Variants in ATXN2 observed in about 807,000 individuals in gnomAD.
The protein encoded by ATXN2 is ataxin-2.
In ATXN2, 37 loss-of-function variants were observed where a neutral mutation model predicts 138.6. The ratio of observed to expected loss-of-function variants is 0.27; its 90% confidence interval spans 0.21 to 0.35. ATXN2 has a LOEUF of 0.35. ATXN2 is among the 10% of genes least tolerant of loss of function. The probability of loss-of-function intolerance (pLI) is 1.00; values close to 1 mark genes in which losing one functional copy is unlikely to be tolerated. For missense variants in ATXN2, 1,216 were observed against 1,480.3 expected, an observed-to-expected ratio of 0.82 and a Z score of 2.93; for synonymous variants, 549 against 543.7, an observed-to-expected ratio of 1.01 and a Z score of -0.13.
intron 14 of ATXN2, among the ~76,000 whole-genome samples, chr12:111,500,655 A>G (rs1405219318): frequency 1.3e-5 from 2 of 152,216 alleles, no homozygotes; most frequent in African/African-American, 2.4e-5. Flanking sequence ...CAGCCGGATC[A>G]CAAGGTCAAG....
intron 5 of ATXN2, among the ~76,000 whole-genome samples, chr12:111,542,942 G>A (rs1881601790): frequency 6.6e-6 from 1 of 152,096 alleles, no homozygotes; most frequent in South Asian, 2.1e-4. Context: ...TGATAGGGTA[G>A]AGAATTTCTA....
Position 111,508,651 on chromosome 12 carries a change from TG to T in ATXN2, c.1935+897del, listed in dbSNP as rs1189689311. Among the ~76,000 whole-genome samples the T allele has an allele frequency of 3.9e-5, 6 of 151,990 alleles. No individual in the cohort carries two copies. The East Asian group carries it at 5.8e-4, about 15-fold the overall frequency. ...TGGTCAAGACAGGGTTTCACCATGT[TG>T]ACCAGGCTGGTCTCGAACTCCTGAC... is the stretch of plus-strand genomic sequence containing the variant. On this transcript the variant is annotated intron_variant, in intron 14 of 24. Coordinates refer to ENST00000673436, the MANE Select transcript of ATXN2 (RefSeq NM_001372574.1).
In ATXN2 at chr12:111,492,319, T is replaced by G. The variant is rs11065926; in HGVS notation, c.1936-3539A>C. ...TAGTCTTGGGGTGCCCTCTAATGCA[T>G]GTATGGCTGCAGTGAGCGAAGACTT... On this transcript the variant is annotated intron_variant, in intron 14 of 24. Coordinates refer to ENST00000673436, the MANE Select transcript of ATXN2 (RefSeq NM_001372574.1). 6.2e-3 allele frequency among the ~76,000 whole-genome samples: 940 copies of G among 152,312 alleles called. 11 individuals carry two copies. The highest frequency in any genetic ancestry group is 0.021 in the African/African-American group (887 of 41,576).
At chr12:111,507,349 G>A (rs533919132) in intron 14 of ATXN2, among the ~76,000 whole-genome samples, 85 of 150,060 alleles carry the variant, frequency 5.7e-4, no homozygotes, top group African/African-American at 1.9e-3. Flanking sequence ...GTCTCTGCCT[G>A]GCCGCCCCGT....
At chr12:111,454,464 G>A (rs1874910281) in intron 23 of ATXN2, 1 of 153,974 alleles carries the variant, frequency 6.5e-6, no homozygotes, top group Admixed American at 6.5e-5. Flanking sequence ...AGGAGGAGTT[G>A]GAGTTTTTAA....
At chr12:111,477,452 T>C (rs951000236) in intron 18 of ATXN2, among the ~76,000 whole-genome samples, 4 of 152,116 alleles carry the variant, frequency 2.6e-5, no homozygotes, top group African/African-American at 9.7e-5. Context: ...GCTAGACCTT[T>C]ACATCACACC....
chr12:111,488,558 C>T lies in ATXN2; in HGVS notation c.2158G>A (p.Val720Ile). The change falls in exon 15 of 25, where the codon GTC becomes ATC. Residue 720 changes from valine (V) to isoleucine (I), a missense_variant. Coordinates refer to ENST00000673436, the MANE Select transcript of ATXN2 (RefSeq NM_001372574.1). Reference sequence around the variant, plus strand: ...GAAGTCTGAACCCCTTGGGAAGTGACCTCAGGTCCCCTCTTGTGCTCCGTG... The same window carrying T: ...GAAGTCTGAACCCCTTGGGAAGTGATCTCAGGTCCCCTCTTGTGCTCCGTG... ...SNTEHKRGPE[V>I]TSQGVQTSSP... 6.2e-7 allele frequency: 1 copy of T among 1,614,160 alleles called. No homozygotes were observed. Among genetic ancestry groups the T allele is most frequent in the African/African-American group, 1.3e-5 (1 of 75,044 alleles).
At chr12:111,500,540 G>A (rs1423859547) in intron 14 of ATXN2, among the ~76,000 whole-genome samples, 2 of 152,174 alleles carry the variant, frequency 1.3e-5, no homozygotes, top group African/African-American at 2.4e-5. Flanking sequence ...GAACTCTGCA[G>A]GACCGGAGGC....
intron 1 of ATXN2, among the ~76,000 whole-genome samples, chr12:111,590,703 G>A (rs1055734710): frequency 5.1e-5 from 7 of 137,266 alleles, no homozygotes; most frequent in Admixed American, 2.7e-4. Flanking sequence ...AAAAAAACAG[G>A]CCTGTTAGGA....
At chr12:111,462,899 A>C (rs1284907144) in intron 21 of ATXN2, among the ~76,000 whole-genome samples, 2 of 152,080 alleles carry the variant, frequency 1.3e-5, no homozygotes, top group African/African-American at 4.8e-5. Context: ...CTTTTTAAAG[A>C]GCATCTATTA....
chr12:111,530,923 C>A (rs1880792701), intron 5 of ATXN2, among the ~76,000 whole-genome samples: 1 of 151,342 alleles, frequency 6.6e-6, no homozygotes, highest in Admixed American at 6.6e-5. Context: ...GTCCGGAGTT[C>A]GAGACCAGCC....
At chr12:111,481,455 A>G (rs779384151) in intron 18 of ATXN2, among the ~76,000 whole-genome samples, 2 of 151,788 alleles carry the variant, frequency 1.3e-5, no homozygotes, top group African/African-American at 4.9e-5. Context: ...AAAACAAAAA[A>G]CCACAATGAC....
At chr12:111,525,418 A>G (rs1471292068) in intron 5 of ATXN2, 102 bp from the exon 6 acceptor site, 1 of 1,233,458 alleles carries the variant, frequency 8.1e-7, no homozygotes, top group Admixed American at 2.8e-5. Context: ...AACAATTACG[A>G]AAAATGAATT....
intron 14 of ATXN2, among the ~76,000 whole-genome samples, chr12:111,505,069 A>G (rs976136574): frequency 6.6e-6 from 1 of 152,200 alleles, no homozygotes; most frequent in African/African-American, 2.4e-5. Flanking sequence ...ACAAAAAAAT[A>G]CAAAAGTTAT....
intron 3 of ATXN2, 83 bp from the exon 4 acceptor site, chr12:111,553,060 C>A: frequency 2.3e-6 from 2 of 861,234 alleles, no homozygotes; most frequent in Non-Finnish European, 3.5e-6. Flanking sequence ...ACTTTTTATA[C>A]CTCATCAGGC....
At chr12:111,507,243 C>T (rs1356617956) in intron 14 of ATXN2, among the ~76,000 whole-genome samples, 1 of 151,312 alleles carries the variant, frequency 6.6e-6, no homozygotes, top group African/African-American at 2.4e-5. Context: ...GGCCACCCGT[C>T]GTCTGAGATG....
Position 111,552,548 on chromosome 12 carries a change from G to T in ATXN2, c.421-118C>A. 9.9e-7 allele frequency: 1 copy of T among 1,010,444 alleles called. No individual in the cohort carries two copies. Among genetic ancestry groups the T allele is most frequent in the Non-Finnish European group, 1.4e-6 (1 of 717,760 alleles). 62.6% of individuals were successfully genotyped at this position (1,010,444 alleles called of 1,614,324 possible). On this transcript the variant is annotated intron_variant, in intron 4 of 24. Coordinates refer to ENST00000673436, the MANE Select transcript of ATXN2 (RefSeq NM_001372574.1). The surrounding 1 kb of genome is among the most constrained non-coding windows in gnomAD (Gnocchi z 4.1). Reference sequence around the variant, plus strand: ...GCCTTTGACAAAAATAATCTCAAGAGAATCATACCCTTTTTCCCAGGCATA... The same window carrying T: ...GCCTTTGACAAAAATAATCTCAAGATAATCATACCCTTTTTCCCAGGCATA...
intron 5 of ATXN2, among the ~76,000 whole-genome samples, chr12:111,545,572 G>GC (rs1235983680): frequency 6.6e-6 from 1 of 151,606 alleles, no homozygotes; most frequent in African/African-American, 2.4e-5. Context: ...TAAAAAAAAA[G>GC]AAAAAGAAAA....
intron 1 of ATXN2, among the ~76,000 whole-genome samples, chr12:111,561,442 G>C (rs1782336332): frequency 6.6e-6 from 1 of 152,168 alleles, no homozygotes; most frequent in Admixed American, 6.6e-5. Context: ...GGAGGCTGCA[G>C]TGAGCCGAGA....
Sources: allele counts gnomAD v4.1 joint callset (sites outside exome capture counted in the v4.1 genomes callset), GRCh38; gene constraint gnomAD v4.1.1; non-coding constraint Gnocchi (gnomAD v3.1); transcripts MANE v1.5; gene names NCBI Gene and HGNC (gene_info 2026-07-23, HGNC 2026-07-21).